Variants in SRSF6 observed in about 807,000 individuals in gnomAD.
The protein encoded by SRSF6 is serine/arginine-rich splicing factor 6.
SRSF6 carries 17 observed loss-of-function variants against 42.0 expected under a neutral mutation model. That is an observed-to-expected ratio of 0.40 (90% CI 0.28 to 0.61). SRSF6 has a LOEUF of 0.61. Ranked by LOEUF, SRSF6 falls within the 20% of genes least tolerant of loss-of-function variation. The pLI is 0.37. For missense variants in SRSF6, 379 were observed against 471.4 expected (o/e 0.80, Z 1.81); for synonymous variants, 204 against 166.7 (o/e 1.22, Z -1.72).
In SRSF6 at chr20:43,460,019, ATCTTG is replaced by A. The variant is rs778336424; in HGVS notation, c.382-9_382-5del. 6.2e-7 allele frequency: 1 copy of A among 1,614,060 alleles called. No homozygotes were observed. The highest frequency in any genetic ancestry group is 8.5e-7 in the Non-Finnish European group (1 of 1,180,012). On this transcript the variant is annotated splice_polypyrimidine_tract_variant and intron_variant, in intron 3 of 5. Transcript: ENST00000244020. ...GTTTTAAGATTTCCGAGTCTGACCA[ATCTTG>A]TCTTTCAGGATTTTATGCGACAAGC...
chr20:43,458,060 G>C lies in SRSF6; in HGVS notation c.27G>C (p.Leu9=), dbSNP rs2017525961. The C allele has an allele frequency of 1.2e-6, 2 of 1,613,260 alleles. No individual in the cohort carries two copies. The highest frequency in any genetic ancestry group is 1.7e-6 in the Non-Finnish European group (2 of 1,179,598). The change falls in exon 1 of 6, where the codon CTG becomes CTC. Residue 9 remains leucine, a synonymous_variant. Transcript: ENST00000244020. ...TGCCGCGCGTCTACATAGGACGCCT[G>C]AGCTACAACGTCCGGGAGAAGGACA... is the stretch of plus-strand genomic sequence containing the variant. The part of the protein sequence containing the change: MPRVYIGR[L]SYNVREKDIQ...
At position 43,460,966 on chromosome 20, in the gene SRSF6, G is replaced by A. The variant is rs780881341; in HGVS notation, c.938G>A (p.Arg313His). 2.4e-5 allele frequency: 39 copies of A among 1,613,964 alleles called. No homozygotes were observed. The highest frequency in any genetic ancestry group is 1.8e-4 in the Admixed American group (11 of 59,974). The change falls in exon 6 of 6, where the codon CGT (arginine) becomes CAT (histidine). Residue 313 changes from arginine (R) to histidine (H), a missense_variant. This residue lies in a region of SRSF6 where 219 missense variants were observed against 216.1 expected (regional missense o/e 1.01). Transcript: ENST00000244020. ...SPLPVPPSKA[R>H]SVSPPPKRAT... is the part of the protein sequence containing the mutation. ...CTACCTGTTCCACCCTCAAAGGCCC[G>A]TTCTGTGTCCCCTCCACCAAAAAGA...
Position 43,461,612 on chromosome 20 carries a change from T to G in SRSF6, c.*549T>G, listed in dbSNP as rs2017601601. 1 of 152,548 alleles carries G rather than the reference T, an allele frequency of 6.6e-6. No individual in the cohort carries two copies. The highest frequency in any genetic ancestry group is 2.1e-4 in the South Asian group (1 of 4,822). The allele number at this position is 152,548 out of a possible 1,614,324, so 9.4% of individuals were successfully genotyped here. A position where few individuals can be genotyped will look rare whatever the true frequency, so the allele number is the denominator to read the frequency against. ...CCTTTAAATGTTGATATCTGCCATTTGTGGAAACAACGTAAATTCTACTTA... is the reference window on the plus strand; with the variant it reads ...CCTTTAAATGTTGATATCTGCCATTGGTGGAAACAACGTAAATTCTACTTA... On this transcript the variant is annotated 3_prime_UTR_variant, in exon 6 of 6. Coordinates refer to ENST00000244020, the MANE Select transcript of SRSF6 (RefSeq NM_006275.6).
intron 2 of SRSF6, among the ~76,000 whole-genome samples, chr20:43,458,778 C>A (rs1264100104): frequency 6.6e-6 from 1 of 151,160 alleles, no homozygotes; most frequent in Non-Finnish European, 1.5e-5. Flanking sequence ...GGGTTCTTCC[C>A]ACAGAGGAAG....
Position 43,457,951 on chromosome 20 carries a change from G to C in SRSF6, c.-83G>C. 2 of 1,190,082 alleles carry C rather than the reference G, an allele frequency of 1.7e-6. No individual in the cohort carries two copies. Among genetic ancestry groups the C allele is most frequent in the East Asian group, 2.6e-5 (1 of 38,808 alleles). The allele number at this position is 1,190,082 out of a possible 1,614,324, so 73.7% of individuals were successfully genotyped here. On this transcript the variant is annotated 5_prime_UTR_variant, in exon 1 of 6. Coordinates refer to ENST00000244020, the MANE Select transcript of SRSF6 (RefSeq NM_006275.6). ...GTGTGAGGCGCGTGTTCGGGCTCTTGCCGTCCCCGCACCCGCACCGCGGTT... is the reference window on the plus strand; with the variant it reads ...GTGTGAGGCGCGTGTTCGGGCTCTTCCCGTCCCCGCACCCGCACCGCGGTT...
rs771627464 is a variant in SRSF6 at position 43,460,260 on chromosome 20, CTG to C, written c.590+22_590+23del. Reference sequence around the variant, plus strand: ...GATCCAGGTAACTTGTTGAAGGACACTGTGGGAAGGAAACAATATTTGCCAAT... The same window carrying C: ...GATCCAGGTAACTTGTTGAAGGACACTGGGAAGGAAACAATATTTGCCAAT... On this transcript the variant is annotated intron_variant, in intron 4 of 5. Transcript: ENST00000244020. 20 of 1,611,624 alleles carry C rather than the reference CTG, an allele frequency of 1.2e-5. No homozygotes were observed. Among genetic ancestry groups the C allele is most frequent in the South Asian group, 7.7e-5 (7 of 91,014 alleles).
At chr20:43,459,962 T>G (rs1464189398) in intron 3 of SRSF6, 67 bp downstream of exon 3, 1 of 1,604,142 alleles carries the variant, frequency 6.2e-7, no homozygotes, top group Non-Finnish European at 8.5e-7. Flanking sequence ...TTTTATATTC[T>G]TATTTCTGGG....
Position 43,461,338 on chromosome 20 carries a change from T to TTG in SRSF6, c.*276_*277insGT, listed in dbSNP as rs2017591278. 4 of 15,364 alleles carry TTG rather than the reference T, an allele frequency of 2.6e-4. No homozygotes were observed. The highest frequency in any genetic ancestry group is 1.0e-3 in the East Asian group (1 of 972). 1.0% of individuals were successfully genotyped at this position (15,364 alleles called of 1,614,324 possible). Reference sequence around the variant, plus strand: ...TAAAGATTAAGCTCATTTAGTGTTGTTTTTTTTTTTTTTTTTTTTTTTTTT... The same window carrying TTG: ...TAAAGATTAAGCTCATTTAGTGTTGTTGTTTTTTTTTTTTTTTTTTTTTTTTT... On this transcript the variant is annotated 3_prime_UTR_variant, in exon 6 of 6. Transcript: ENST00000244020.
At position 43,460,207 on chromosome 20, in the gene SRSF6, A is replaced by G. The variant is rs199949963; in HGVS notation, c.556A>G (p.Ser186Gly). 1.1e-5 allele frequency: 18 copies of G among 1,614,216 alleles called. No homozygotes were observed. In the African/African-American group the frequency reaches 2.0e-4, roughly 18 times the overall value. Residue 186 changes from serine to glycine, a missense_variant, in exon 4 of 6, where the codon AGC becomes GGC. By Grantham distance (56) the Ser-to-Gly change is moderately conservative (BLOSUM62 0). Coordinates refer to ENST00000244020, the MANE Select transcript of SRSF6 (RefSeq NM_006275.6). ...GCTTATTGAAGATAAGCCACGCACA[A>G]GCCATAGGCGATCTTACTCTGGAAG... Reference protein sequence around the residue: ...IRLIEDKPRTSHRRSYSGSRS... With the variant: ...IRLIEDKPRTGHRRSYSGSRS...
chr20:43,460,358 C>A, intron 4 of SRSF6, 117 bp downstream of exon 4: 1 of 1,345,520 alleles, frequency 7.4e-7, no homozygotes. Flanking sequence ...TTTGTTTTGG[C>A]TGTGCATCAT....
chr20:43,463,179 G>A lies in SRSF6; in HGVS notation c.*2116G>A, dbSNP rs941024207. On this transcript the variant is annotated 3_prime_UTR_variant, in exon 6 of 6. Coordinates refer to ENST00000244020, the MANE Select transcript of SRSF6 (RefSeq NM_006275.6). ...TAAGCAGGTCATTGTATAGGTAAAT[G>A]CCTGCACCCATAATTTTCTAGTAAT... The A allele has an allele frequency of 3.2e-5, 5 of 154,466 alleles. No homozygotes were observed. Among genetic ancestry groups the A allele is most frequent in the Admixed American group, 1.3e-4 (2 of 15,274 alleles). 9.6% of individuals were successfully genotyped at this position (154,466 alleles called of 1,614,324 possible).
chr20:43,461,295 G>T lies in SRSF6; in HGVS notation c.*232G>T. ...AGATAACTTTGATTTTATAGCTTTT[G>T]AGCTAACGTAACTTTTGTAAAGATT... On this transcript the variant is annotated 3_prime_UTR_variant, in exon 6 of 6. Coordinates refer to ENST00000244020, the MANE Select transcript of SRSF6 (RefSeq NM_006275.6). 1 of 208,078 alleles carries T rather than the reference G, an allele frequency of 4.8e-6. No homozygotes were observed. Among genetic ancestry groups the T allele is most frequent in the Non-Finnish European group, 8.1e-6 (1 of 124,034 alleles). 12.9% of individuals were successfully genotyped at this position (208,078 alleles called of 1,614,324 possible).
rs2017572805 is a variant in SRSF6 at position 43,460,751 on chromosome 20, G to C, written c.723G>C (p.Arg241Ser). ...KGRSRSRSKG[R>S]KSRSKSKSKP... ...GATCACGTTCTCGATCAAAAGGCAG[G>C]AAATCTAGATCAAAGAGCAAATCTA... Residue 241 changes from arginine to serine, a missense_variant, in exon 6 of 6, where the codon AGG becomes AGC. Coordinates refer to ENST00000244020, the MANE Select transcript of SRSF6 (RefSeq NM_006275.6). The C allele has an allele frequency of 3.1e-6, 5 of 1,613,924 alleles. No individual in the cohort carries two copies. The African/African-American group carries it at 6.7e-5, about 22-fold the overall frequency.
Position 43,463,035 on chromosome 20 carries a change from G to A in SRSF6, c.*1972G>A, listed in dbSNP as rs933817168. 3 of 152,266 alleles carry A rather than the reference G, an allele frequency of 2.0e-5. No homozygotes were observed. Among genetic ancestry groups the A allele is most frequent in the Non-Finnish European group, 4.4e-5 (3 of 67,772 alleles). 9.4% of individuals were successfully genotyped at this position (152,266 alleles called of 1,614,324 possible). On this transcript the variant is annotated 3_prime_UTR_variant, in exon 6 of 6. Transcript: ENST00000244020. ...AGCCTTTTTAAAAGAGGGATGGGAGGATATTACAGTAAGAAATTAGGCTTT... is the reference window on the plus strand; with the variant it reads ...AGCCTTTTTAAAAGAGGGATGGGAGAATATTACAGTAAGAAATTAGGCTTT...
At chr20:43,460,468 A>G (rs2017566905) in intron 4 of SRSF6, 47 bp from the exon 5 acceptor site, 1 of 1,591,062 alleles carries the variant, frequency 6.3e-7, no homozygotes, top group Non-Finnish European at 8.6e-7. Flanking sequence ...GCACGGATGT[A>G]TTTAAGTTGG....
intron 2 of SRSF6, among the ~76,000 whole-genome samples, chr20:43,458,741 C>T (rs867890786): frequency 5.3e-5 from 8 of 152,198 alleles, no homozygotes; most frequent in Non-Finnish European, 1.2e-4. Flanking sequence ...TGGGTGGCTT[C>T]TTCTGGCCCC....
rs1429363271 is a variant in SRSF6 at position 43,461,358 on chromosome 20, T to G, written c.*295T>G. ...TGTTGTTTTTTTTTTTTTTTTTTTT[T>G]TTTTTTTTTTTTTTTTAGTATTTCA... On this transcript the variant is annotated 3_prime_UTR_variant, in exon 6 of 6. Coordinates refer to ENST00000244020, the MANE Select transcript of SRSF6 (RefSeq NM_006275.6). 1.1e-4 allele frequency: 27 copies of G among 241,448 alleles called. 1 individual carries two copies. Among genetic ancestry groups the G allele is most frequent in the African/African-American group, 4.2e-4 (17 of 40,476 alleles). The allele number at this position is 241,448 out of a possible 1,614,324, so 15.0% of individuals were successfully genotyped here.
At chr20:43,460,424 CATT>C (rs892606258) in intron 4 of SRSF6, 88 bp from the exon 5 acceptor site, 27 of 1,355,746 alleles carry the variant, frequency 2.0e-5, no homozygotes, top group Middle Eastern at 1.9e-4. Context: ...TAAAGAAAAA[CATT>C]ATTCTTTGGC....
rs1438979505 is a variant in SRSF6 at position 43,457,923 on chromosome 20, G to C, written c.-111G>C. The C allele has an allele frequency of 1.1e-6, 1 of 886,274 alleles. No homozygotes were observed. Among genetic ancestry groups the C allele is most frequent in the Admixed American group, 2.2e-5 (1 of 45,758 alleles). The allele number at this position is 886,274 out of a possible 1,614,324, so 54.9% of individuals were successfully genotyped here. Reference sequence around the variant, plus strand: ...TGTGTGGCTGGACTCGGCCGCCCCTGTGGTGTGAGGCGCGTGTTCGGGCTC... The same window carrying C: ...TGTGTGGCTGGACTCGGCCGCCCCTCTGGTGTGAGGCGCGTGTTCGGGCTC... On this transcript the variant is annotated 5_prime_UTR_variant, in exon 1 of 6. Transcript: ENST00000244020.
Sources: gnomAD v4.1 joint callset for allele counts (sites outside exome capture counted in the v4.1 genomes callset) on GRCh38, gnomAD v4.1.1 for gene constraint, gnomAD v4.1.1 regional missense constraint, MANE v1.5 for transcripts, NCBI Gene and HGNC (gene_info 2026-07-23, HGNC 2026-07-21) for gene names.